The following EPHA3 variants were observed in gnomAD, a reference collection of about 807,000 sequenced individuals.
The protein encoded by EPHA3 is EPH receptor A3.
Under a neutral mutation model 107.1 loss-of-function variants are expected in EPHA3, and 42 were observed. The ratio of observed to expected loss-of-function variants is 0.39; its 90% CI spans 0.31 to 0.51. The LOEUF (loss-of-function observed/expected upper bound fraction) is 0.51, where lower values mean the gene tolerates loss of function less well. EPHA3 is among the 20% of genes least tolerant of loss of function. The probability of loss-of-function intolerance (pLI) is 0.78; values close to 1 mark genes in which losing one functional copy is unlikely to be tolerated. For synonymous variants in EPHA3, 461 were observed against 424.8 expected, an observed-to-expected ratio of 1.09 and a Z score of -1.05; for missense variants, 1,183 against 1,211.2, an observed-to-expected ratio of 0.98 and a Z score of 0.35.
At chr3:89,114,523 A>C (rs1196946412) in intron 1 of EPHA3, among the ~76,000 whole-genome samples, 1 of 152,132 alleles carries the variant, frequency 6.6e-6, no homozygotes, top group Non-Finnish European at 1.5e-5. Context: ...TCTGGAGGCC[A>C]GTGGGTTCTT....
chr3:89,340,317 G>A (rs1231876309), intron 3 of EPHA3, among the ~76,000 whole-genome samples: 18 of 152,032 alleles, frequency 1.2e-4, no homozygotes, highest in Admixed American at 1.1e-3. Context: ...ATAGACAAAG[G>A]AATATATTTA....
At chr3:89,435,961 T>A (rs1709662186) in intron 13 of EPHA3, among the ~76,000 whole-genome samples, 1 of 149,362 alleles carries the variant, frequency 6.7e-6, no homozygotes, top group Non-Finnish European at 1.5e-5. Context: ...TCAATAATAA[T>A]AATAATAATT....
chr3:89,210,606 C>T, intron 3 of EPHA3, 86 bp downstream of exon 3: 1 of 1,397,250 alleles, frequency 7.2e-7, no homozygotes, highest in South Asian at 1.5e-5. Flanking sequence ...CACTCAGTCT[C>T]AACTCACTTG....
intron 3 of EPHA3, among the ~76,000 whole-genome samples, chr3:89,312,264 A>G (rs1462578849): frequency 6.6e-6 from 1 of 151,834 alleles, no homozygotes. Flanking sequence ...TTTGATTTTT[A>G]TTTATTAATT....
At chr3:89,380,116 C>A (rs950782806) in intron 5 of EPHA3, among the ~76,000 whole-genome samples, 1 of 152,010 alleles carries the variant, frequency 6.6e-6, no homozygotes, top group Non-Finnish European at 1.5e-5. Flanking sequence ...TATTTTGATG[C>A]AATGCATACG....
intron 9 of EPHA3, among the ~76,000 whole-genome samples, chr3:89,409,639 T>G (rs1709120128): frequency 6.6e-6 from 1 of 152,092 alleles, no homozygotes; most frequent in South Asian, 2.1e-4. Context: ...CATTTCATCC[T>G]GGCTGCAAAG....
At chr3:89,209,138 T>C (rs1335910467) in intron 2 of EPHA3, among the ~76,000 whole-genome samples, 3 of 152,170 alleles carry the variant, frequency 2.0e-5, no homozygotes, top group Non-Finnish European at 4.4e-5. Flanking sequence ...TTAACTGCTA[T>C]AACAACAAAA....
In EPHA3 at chr3:89,366,407, C is replaced by T. The variant is rs149567943; in HGVS notation, c.1306+24317C>T. Among the ~76,000 whole-genome samples, 114 of 150,558 alleles carry T rather than the reference C, an allele frequency of 7.6e-4. 6 individuals carry two copies. The highest frequency in any genetic ancestry group is 1.3e-3 in the Non-Finnish European group (86 of 67,168). On this transcript the variant is annotated intron_variant, in intron 5 of 16. Coordinates refer to ENST00000336596, the MANE Select transcript of EPHA3 (RefSeq NM_005233.6). ...CATTGATCAAGATCAAAAACATGAA[C>T]GCATAATAAGATAATATACAGCATT... is the stretch of plus-strand genomic sequence containing the variant.
chr3:89,209,816 A>G, intron 2 of EPHA3, 44 bp from the exon 3 acceptor site: 1 of 1,490,544 alleles, frequency 6.7e-7, no homozygotes, highest in Non-Finnish European at 9.1e-7. Flanking sequence ...ATTCGTTATT[A>G]TCATTAATTC....
intron 2 of EPHA3, among the ~76,000 whole-genome samples, chr3:89,161,578 G>GT (rs781539441): frequency 9.2e-5 from 14 of 151,830 alleles, no homozygotes; most frequent in South Asian, 2.1e-4. Flanking sequence ...TATTTAATTA[G>GT]TTTTTTTACT....
chr3:89,268,072 G>A (rs888400927), intron 3 of EPHA3, among the ~76,000 whole-genome samples: 6 of 152,046 alleles, frequency 3.9e-5, no homozygotes, highest in African/African-American at 1.4e-4. Flanking sequence ...GCTAGGATGG[G>A]CTTACTGATA....
intron 6 of EPHA3, among the ~76,000 whole-genome samples, chr3:89,397,467 G>C (rs1253807048): frequency 2.0e-5 from 3 of 151,964 alleles, no homozygotes; most frequent in Non-Finnish European, 4.4e-5. Flanking sequence ...CTAACATTTA[G>C]ATCTATGAGG....
In EPHA3 at chr3:89,350,055, TC is replaced by T. The variant is rs1231769085; in HGVS notation, c.1306+7967del. On this transcript the variant is annotated intron_variant, in intron 5 of 16. Transcript: ENST00000336596. ...CTCTCTGGCTGCCCTTAACATTTTTTCCTTCATTTCAACTTTGGTGAATCTG... is the reference window on the plus strand; with the variant it reads ...CTCTCTGGCTGCCCTTAACATTTTTTCTTCATTTCAACTTTGGTGAATCTG... 1.3e-5 allele frequency among the ~76,000 whole-genome samples: 2 copies of T among 150,826 alleles called. 1 individual carries two copies. Among genetic ancestry groups the T allele is most frequent in the African/African-American group, 4.9e-5 (2 of 41,222 alleles).
chr3:89,112,611 AT>A (rs1360347653), intron 1 of EPHA3, among the ~76,000 whole-genome samples: 2 of 151,984 alleles, frequency 1.3e-5, no homozygotes, highest in African/African-American at 2.4e-5. Context: ...TATTTCCAAA[AT>A]ATATTTGATT....
At chr3:89,475,380 T>C (rs186378357) in intron 16 of EPHA3, among the ~76,000 whole-genome samples, 2 of 152,318 alleles carry the variant, frequency 1.3e-5, no homozygotes, top group East Asian at 1.9e-4. Context: ...TAGAAAAAGA[T>C]ACCTTTATTC....
intron 3 of EPHA3, among the ~76,000 whole-genome samples, chr3:89,227,832 T>A (rs1487649967): frequency 1.3e-5 from 2 of 152,008 alleles, no homozygotes; most frequent in Non-Finnish European, 2.9e-5. Context: ...CAAGAATGAC[T>A]CACTCTTATA....
intron 13 of EPHA3, among the ~76,000 whole-genome samples, chr3:89,448,161 T>G (rs1020086550): frequency 6.6e-6 from 1 of 152,138 alleles, no homozygotes; most frequent in Non-Finnish European, 1.5e-5. Context: ...GTCTTTCTAC[T>G]CAGGGTAAGT....
chr3:89,335,794 A>T (rs1364958794), intron 3 of EPHA3, among the ~76,000 whole-genome samples: 1 of 152,222 alleles, frequency 6.6e-6, no homozygotes, highest in Non-Finnish European at 1.5e-5. Context: ...TAAACTATTC[A>T]ATCACTCTTT....
At chr3:89,391,106 G>A (rs1377761867) in intron 5 of EPHA3, among the ~76,000 whole-genome samples, 1 of 151,914 alleles carries the variant, frequency 6.6e-6, no homozygotes, top group Non-Finnish European at 1.5e-5. Context: ...TTTTATATCA[G>A]CTTTTATAAA....
Sources: gnomAD v4.1 joint callset for allele counts (sites outside exome capture counted in the v4.1 genomes callset) on GRCh38, gnomAD v4.1.1 for gene constraint, MANE v1.5 for transcripts, NCBI Gene and HGNC (gene_info 2026-07-23, HGNC 2026-07-21) for gene names.